MMD: variants seen among roughly 807,000 people sequenced by gnomAD.
MMD encodes the protein monocyte to macrophage differentiation associated, also known as monocyte to macrophage differentiation factor.
A neutral mutation model predicts 33.6 loss-of-function variants in MMD; 22 were observed. That is an observed-to-expected ratio of 0.66 (90% confidence interval 0.47 to 0.94). MMD has a LOEUF of 0.94. Ranked by LOEUF, MMD falls within the 40% of genes least tolerant of loss-of-function variation. MMD has a pLI of 0.00. For synonymous variants in MMD, 97 were observed against 103.2 expected (o/e 0.94, Z 0.36); for missense variants, 242 against 309.8 (o/e 0.78, Z 1.64).
intron 3 of MMD, among the ~76,000 whole-genome samples, chr17:55,409,328 A>G (rs183588191): frequency 6.6e-6 from 1 of 152,292 alleles, no homozygotes; most frequent in Admixed American, 6.5e-5. Flanking sequence ...ATAAGTTTTT[A>G]AAACTCCTTG....
chr17:55,405,618 C>A (rs1474479441), intron 4 of MMD, among the ~76,000 whole-genome samples: 1 of 152,072 alleles, frequency 6.6e-6, no homozygotes, highest in African/African-American at 2.4e-5. Flanking sequence ...GTTTGGAACA[C>A]CCTGTAGGTT....
chr17:55,417,609 A>G (rs1908019174), intron 1 of MMD, among the ~76,000 whole-genome samples: 1 of 152,076 alleles, frequency 6.6e-6, no homozygotes, highest in African/African-American at 2.4e-5. Context: ...TAGGCGGTAT[A>G]GTGAGATCCC....
At chr17:55,397,599 ACTACAACCTC>A (rs1196745152) in intron 6 of MMD, among the ~76,000 whole-genome samples, 1 of 151,836 alleles carries the variant, frequency 6.6e-6, no homozygotes, top group African/African-American at 2.4e-5. Flanking sequence ...ACCTCAGCTC[ACTACAACCTC>A]CTACAACCTC....
At chr17:55,419,427 T>C (rs1202767906) in intron 1 of MMD, among the ~76,000 whole-genome samples, 2 of 152,202 alleles carry the variant, frequency 1.3e-5, no homozygotes, top group Non-Finnish European at 2.9e-5. Flanking sequence ...TAAGAAGCCA[T>C]CATTGCATAA....
At chr17:55,395,137 C>T (rs1907051713) in intron 6 of MMD, among the ~76,000 whole-genome samples, 1 of 152,196 alleles carries the variant, frequency 6.6e-6, no homozygotes, top group Non-Finnish European at 1.5e-5. Context: ...GTCTCCAGGC[C>T]TTTTTGTATT....
chr17:55,405,371 G>A (rs1213750480), intron 4 of MMD, among the ~76,000 whole-genome samples: 2 of 122,546 alleles, frequency 1.6e-5, no homozygotes, highest in Admixed American at 9.4e-5. Flanking sequence ...GCAAAACTCC[G>A]TCTCAAAGAA....
At chr17:55,412,456 C>T (rs1420605682) in intron 2 of MMD, among the ~76,000 whole-genome samples, 3 of 152,190 alleles carry the variant, frequency 2.0e-5, no homozygotes, top group Admixed American at 6.5e-5. Flanking sequence ...CACATGGTCA[C>T]AAACTTTAAT....
intron 4 of MMD, among the ~76,000 whole-genome samples, chr17:55,406,867 C>T (rs896929598): frequency 2.0e-5 from 3 of 151,640 alleles, no homozygotes; most frequent in Non-Finnish European, 4.4e-5. Flanking sequence ...CCGTCTCCCC[C>T]CAAAAATACA....
intron 2 of MMD, among the ~76,000 whole-genome samples, chr17:55,413,459 A>G (rs1316662618): frequency 6.6e-6 from 1 of 152,194 alleles, no homozygotes; most frequent in Non-Finnish European, 1.5e-5. Context: ...ACACAGAGAC[A>G]CACATATACA....
intron 4 of MMD, among the ~76,000 whole-genome samples, chr17:55,405,077 A>T (rs1297502528): frequency 1.3e-5 from 2 of 151,772 alleles, no homozygotes. Context: ...AAATAAATAA[A>T]ATAAATGAGG....
chr17:55,401,864 G>A (rs941687898), intron 5 of MMD, among the ~76,000 whole-genome samples: 2 of 152,058 alleles, frequency 1.3e-5, no homozygotes, highest in Non-Finnish European at 2.9e-5. Context: ...ACGAGGTCAG[G>A]AGATCGAGAC....
Position 55,392,774 on chromosome 17 carries a change from G to A in MMD, c.*1560C>T, listed in dbSNP as rs1308795282. On this transcript the variant is annotated 3_prime_UTR_variant, in exon 7 of 7. Transcript: ENST00000262065. ...ACAGTAAAACAACAGGCATCCAGATGTTCAGAATCATGCAGATAGGAGTGG... is the reference window on the plus strand; with the variant it reads ...ACAGTAAAACAACAGGCATCCAGATATTCAGAATCATGCAGATAGGAGTGG... The A allele has an allele frequency of 2.6e-5, 4 of 152,412 alleles. No individual in the cohort carries two copies. The highest frequency in any genetic ancestry group is 2.6e-4 in the Admixed American group (4 of 15,284). 9.4% of individuals were successfully genotyped at this position (152,412 alleles called of 1,614,324 possible). A position where few individuals can be genotyped will look rare whatever the true frequency, so the allele number is the denominator to read the frequency against.
rs541950848 is a variant in MMD, at chr17:55,414,093, C to T, written c.108+58G>A. 29 of 1,514,690 alleles carry T rather than the reference C, an allele frequency of 1.9e-5. No individual in the cohort carries two copies. The South Asian group carries it at 2.8e-4, about 15-fold the overall frequency. The allele number at this position is 1,514,690 out of a possible 1,614,324, so 93.8% of individuals were successfully genotyped here. A position where few individuals can be genotyped will look rare whatever the true frequency, so the allele number is the denominator to read the frequency against. Reference sequence around the variant, plus strand: ...GCTGAGGTTACTAGAGATAACTACCCCTTCCTCCCACCAAAGCCCCGTGGA... The same window carrying T: ...GCTGAGGTTACTAGAGATAACTACCTCTTCCTCCCACCAAAGCCCCGTGGA... On this transcript the variant is annotated intron_variant, in intron 2 of 6. Coordinates refer to ENST00000262065, the MANE Select transcript of MMD (RefSeq NM_012329.3).
At chr17:55,394,679 C>A in intron 6 of MMD, 145 bp from the exon 7 acceptor site, 1 of 715,388 alleles carries the variant, frequency 1.4e-6, no homozygotes, top group Non-Finnish European at 2.0e-6. Flanking sequence ...AAACATGAAC[C>A]AAACATAAAA....
At position 55,393,256 on chromosome 17, in the gene MMD, A is replaced by C. The variant is rs1471038534; in HGVS notation, c.*1078T>G. On this transcript the variant is annotated 3_prime_UTR_variant, in exon 7 of 7. Transcript: ENST00000262065. ...GCTTTAAATATTTTTTCTAGGAAAA[A>C]AAAAAAAAAACACAATATATGAGAA... The C allele has an allele frequency of 6.6e-6, 1 of 152,072 alleles. No individual in the cohort carries two copies. The highest frequency in any genetic ancestry group is 6.6e-5 in the Admixed American group (1 of 15,262). The allele number at this position is 152,072 out of a possible 1,614,324, so 9.4% of individuals were successfully genotyped here.
intron 6 of MMD, among the ~76,000 whole-genome samples, chr17:55,396,496 T>C (rs1476081657): frequency 6.6e-6 from 1 of 152,244 alleles, no homozygotes; most frequent in Admixed American, 6.5e-5. Flanking sequence ...GTTTCCGTTT[T>C]CCAATTTTCC....
intron 6 of MMD, among the ~76,000 whole-genome samples, chr17:55,399,680 T>G (rs1598429616): frequency 6.6e-6 from 1 of 152,210 alleles, no homozygotes; most frequent in East Asian, 1.9e-4. Context: ...TTCTGTCATG[T>G]TCGCATAGCA....
rs1483394082 is a variant in MMD at position 55,392,893 on chromosome 17, CAG to C, written c.*1439_*1440del. 6.6e-6 allele frequency: 1 copy of C among 152,096 alleles called. No homozygotes were observed. Among genetic ancestry groups the C allele is most frequent in the African/African-American group, 2.4e-5 (1 of 41,414 alleles). The allele number at this position is 152,096 out of a possible 1,614,324, so 9.4% of individuals were successfully genotyped here. A position where few individuals can be genotyped will look rare whatever the true frequency, so the allele number is the denominator to read the frequency against. On this transcript the variant is annotated 3_prime_UTR_variant, in exon 7 of 7. Transcript: ENST00000262065. Reference sequence around the variant, plus strand: ...TCATTCCCATATAATTCATCAAAATCAGAGAGTTCTAAACATATACAAAATAA... The same window carrying C: ...TCATTCCCATATAATTCATCAAAATCAGAGTTCTAAACATATACAAAATAA...
chr17:55,400,267 GC>G (rs1248048715), intron 6 of MMD, among the ~76,000 whole-genome samples: 2 of 152,182 alleles, frequency 1.3e-5, no homozygotes, highest in African/African-American at 4.8e-5. Flanking sequence ...TGTTCTTACA[GC>G]CAGGCGTGAT....
Sources: allele counts gnomAD v4.1 joint callset (sites outside exome capture counted in the v4.1 genomes callset), GRCh38; gene constraint gnomAD v4.1.1; transcripts MANE v1.5; gene names NCBI Gene and HGNC (gene_info 2026-07-23, HGNC 2026-07-21).